The following BMP2K variants were observed in gnomAD, a reference collection of about 807,000 sequenced individuals.
The protein encoded by BMP2K is BMP2 inducible kinase.
In BMP2K, 74 loss-of-function variants were observed where a neutral mutation model predicts 116.0. The ratio of observed to expected loss-of-function variants is 0.64; its 90% CI spans 0.53 to 0.77. BMP2K has a LOEUF of 0.77. BMP2K is among the 30% of genes least tolerant of loss of function. BMP2K has a pLI of 0.00. For synonymous variants in BMP2K, 486 were observed against 502.5 expected (o/e 0.97, Z 0.44); for missense variants, 1,365 against 1,403.6 (o/e 0.97, Z 0.44).
rs979690673 is a variant in BMP2K at position 78,913,891 on chromosome 4, T to C, written c.*1858T>C. On this transcript the variant is annotated 3_prime_UTR_variant, in exon 16 of 16. Coordinates refer to ENST00000502613, the MANE Select transcript of BMP2K (RefSeq NM_198892.2). ...CTTGTCCTCGTGCCAAAGGCAAATA[T>C]GTTTGCACCTTTTTTTTTTTTTCTG... The C allele has an allele frequency of 1.3e-5, 2 of 151,828 alleles. No individual in the cohort carries two copies. Among genetic ancestry groups the C allele is most frequent in the Admixed American group, 1.3e-4 (2 of 15,252 alleles). 9.4% of individuals were successfully genotyped at this position (151,828 alleles called of 1,614,324 possible). A position where few individuals can be genotyped will look rare whatever the true frequency, so the allele number is the denominator to read the frequency against.
intron 1 of BMP2K, among the ~76,000 whole-genome samples, chr4:78,788,011 A>C (rs1578466176): frequency 6.6e-6 from 1 of 151,772 alleles, no homozygotes; most frequent in Non-Finnish European, 1.5e-5. Context: ...TTTAGGTTTT[A>C]CTATTCTTTC....
intron 1 of BMP2K, among the ~76,000 whole-genome samples, chr4:78,795,371 T>C (rs994558385): frequency 1.3e-5 from 2 of 152,106 alleles, no homozygotes; most frequent in African/African-American, 2.4e-5. Context: ...AGTATGGTCA[T>C]TGGGTGAAGG....
chr4:78,822,490 CATTT>C (rs1729669390), intron 1 of BMP2K, among the ~76,000 whole-genome samples: 1 of 152,106 alleles, frequency 6.6e-6, no homozygotes, highest in South Asian at 2.1e-4. Flanking sequence ...TATAAATACA[CATTT>C]ATTTCCCATT....
At chr4:78,831,938 C>T (rs1195814588) in intron 2 of BMP2K, among the ~76,000 whole-genome samples, 1 of 152,106 alleles carries the variant, frequency 6.6e-6, no homozygotes, top group Non-Finnish European at 1.5e-5. Flanking sequence ...TGCTTACACA[C>T]AAGCACAGAC....
At position 78,869,259 on chromosome 4, in the gene BMP2K, C is replaced by T. The variant is rs751340531; in HGVS notation, c.1232-1524C>T. ...GGGCTTCCACTCTCTGAAGCCACAG[C>T]CTGAGCTCTACGTTGGCCCCTTTGT... On this transcript the variant is annotated intron_variant, in intron 10 of 15. Coordinates refer to ENST00000502613, the MANE Select transcript of BMP2K (RefSeq NM_198892.2). 2.6e-5 allele frequency among the ~76,000 whole-genome samples: 4 copies of T among 152,194 alleles called. No individual in the cohort carries two copies. The East Asian group carries it at 7.7e-4, about 29-fold the overall frequency.
intron 5 of BMP2K, among the ~76,000 whole-genome samples, chr4:78,845,584 T>G (rs1730959641): frequency 1.3e-5 from 2 of 151,770 alleles, no homozygotes; most frequent in African/African-American, 4.8e-5. Context: ...CTTAATCCGG[T>G]GCTTTCTGTG....
At chr4:78,820,274 G>A (rs1443453495) in intron 1 of BMP2K, among the ~76,000 whole-genome samples, 1 of 152,152 alleles carries the variant, frequency 6.6e-6, no homozygotes, top group Non-Finnish European at 1.5e-5. Context: ...GACTGGATAT[G>A]GCTATAGGGC....
At chr4:78,816,836 A>G (rs963091005) in intron 1 of BMP2K, among the ~76,000 whole-genome samples, 1 of 152,230 alleles carries the variant, frequency 6.6e-6, no homozygotes, top group Non-Finnish European at 1.5e-5. Flanking sequence ...TGTATTTACT[A>G]TTGTATGAAG....
chr4:78,908,818 T>C (rs980550355), intron 15 of BMP2K, among the ~76,000 whole-genome samples: 3 of 152,162 alleles, frequency 2.0e-5, no homozygotes, highest in African/African-American at 7.2e-5. Context: ...ACATGAGATA[T>C]GTTGATACAG....
chr4:78,787,194 T>A (rs1727770172), intron 1 of BMP2K, among the ~76,000 whole-genome samples: 1 of 152,258 alleles, frequency 6.6e-6, no homozygotes. Context: ...CAGCCATATT[T>A]GACATATCAA....
chr4:78,778,334 G>T (rs529711386), intron 1 of BMP2K, among the ~76,000 whole-genome samples: 1 of 152,172 alleles, frequency 6.6e-6, no homozygotes, highest in East Asian at 1.9e-4. Flanking sequence ...AAATAATTTT[G>T]GAAAGTAATA....
chr4:78,908,784 A>G (rs550710209), intron 15 of BMP2K, among the ~76,000 whole-genome samples: 1 of 152,280 alleles, frequency 6.6e-6, no homozygotes, highest in Admixed American at 6.5e-5. Context: ...GTGGGTACAT[A>G]GTAGGTATAT....
At position 78,847,986 on chromosome 4, in the gene BMP2K, G is replaced by A. The variant is rs114566376; in HGVS notation, c.750+717G>A. Among the ~76,000 whole-genome samples the A allele has an allele frequency of 4.4e-3, 672 of 151,684 alleles. 1 individual carries two copies. The highest frequency in any genetic ancestry group is 0.015 in the African/African-American group (635 of 41,472). ...AAAATTCTTTGGAAATAGTTCTAGG[G>A]TTTGTAGAAAAGGTCAGATTTATTT... is the stretch of plus-strand genomic sequence containing the variant. On this transcript the variant is annotated intron_variant, in intron 6 of 15. Coordinates refer to ENST00000502613, the MANE Select transcript of BMP2K (RefSeq NM_198892.2).
intron 9 of BMP2K, among the ~76,000 whole-genome samples, chr4:78,862,708 T>C (rs1731853739): frequency 6.6e-6 from 1 of 152,122 alleles, no homozygotes. Context: ...ATCTGTTACT[T>C]ATACATTGTT....
chr4:78,911,075 C>G lies in BMP2K; in HGVS notation c.2528C>G (p.Ser843Cys), dbSNP rs755274270. Reference sequence around the variant, plus strand: ...ATACTCCTCACCTCAGCCCAATTATCCTCTGATGTTGCAGTGGAGACTCCC... The same window carrying G: ...ATACTCCTCACCTCAGCCCAATTATGCTCTGATGTTGCAGTGGAGACTCCC... The part of the protein sequence containing the change: ...NTILLTSAQL[S>C]SDVAVETPKQ... The change falls in exon 16 of 16, where the codon TCC becomes TGC. Residue 843 changes from serine to cysteine, a missense_variant. By Grantham distance (112) the Ser-to-Cys change is moderately radical. This residue lies in a region of BMP2K where 596 missense variants were observed against 623.2 expected (regional missense o/e 0.96). Coordinates refer to ENST00000502613, the MANE Select transcript of BMP2K (RefSeq NM_198892.2). 2.5e-6 allele frequency: 4 copies of G among 1,613,988 alleles called. 1 individual carries two copies. The South Asian group carries it at 4.4e-5, about 18-fold the overall frequency.
chr4:78,845,071 A>G (rs753681981), intron 5 of BMP2K, 22 bp downstream of exon 5: 2 of 1,542,346 alleles, frequency 1.3e-6, no homozygotes, highest in Admixed American at 3.5e-5. Flanking sequence ...TCTTTATTGC[A>G]CTTTTGTCAT....
chr4:78,891,573 G>A (rs1459337860), intron 15 of BMP2K, among the ~76,000 whole-genome samples: 1 of 151,948 alleles, frequency 6.6e-6, no homozygotes, highest in Non-Finnish European at 1.5e-5. Context: ...CTAGCTCTTT[G>A]TCTTTTATAT....
At chr4:78,880,300 G>C in intron 14 of BMP2K, among the ~76,000 whole-genome samples, 1 of 152,170 alleles carries the variant, frequency 6.6e-6, no homozygotes, top group Admixed American at 6.5e-5. Context: ...TCAAACTCCT[G>C]ACCTCAGGTG....
chr4:78,793,434 A>AG (rs1728104554), intron 1 of BMP2K, among the ~76,000 whole-genome samples: 1 of 151,868 alleles, frequency 6.6e-6, no homozygotes, highest in Non-Finnish European at 1.5e-5. Flanking sequence ...AATTAAAAAA[A>AG]AAGTTATGCA....
Sources: gnomAD v4.1 joint callset for allele counts (sites outside exome capture counted in the v4.1 genomes callset) on GRCh38, gnomAD v4.1.1 for gene constraint, gnomAD v4.1.1 regional missense constraint, MANE v1.5 for transcripts, NCBI Gene and HGNC (gene_info 2026-07-23, HGNC 2026-07-21) for gene names.